The following CEP57 variants were observed in gnomAD, a reference collection of about 807,000 sequenced individuals.
CEP57 encodes the protein centrosomal protein of 57 kDa.
CEP57 carries 40 observed loss-of-function variants against 68.0 expected under a neutral mutation model. The ratio of observed to expected loss-of-function variants is 0.59; its 90% CI spans 0.46 to 0.77. The LOEUF is 0.77. Among genes scored for constraint, CEP57 ranks in the 30% least tolerant of loss-of-function variants. The pLI is 0.00. For synonymous variants in CEP57, 219 were observed against 198.7 expected, an observed-to-expected ratio of 1.10 and a Z score of -0.86; for missense variants, 606 against 580.7, an observed-to-expected ratio of 1.04 and a Z score of -0.45.
At chr11:95,826,951 A>G (rs1249213051) in intron 8 of CEP57, 1 of 152,230 alleles carries the variant, frequency 6.6e-6, no homozygotes, top group Non-Finnish European at 1.5e-5. Context: ...TTAGCTTAGC[A>G]TGGTGGTTCC....
intron 5 of CEP57, among the ~76,000 whole-genome samples, chr11:95,818,487 A>G (rs1259037093): frequency 6.6e-6 from 1 of 152,126 alleles, no homozygotes; most frequent in Admixed American, 6.6e-5. Flanking sequence ...TCTCTGAGCT[A>G]ATTTTAGTTT....
intron 8 of CEP57, 90 bp from the exon 9 acceptor site, chr11:95,827,696 G>T: frequency 6.9e-7 from 1 of 1,459,048 alleles, no homozygotes; most frequent in Non-Finnish European, 9.5e-7. Context: ...TTTAGGGGGT[G>T]GAGAGTTCTT....
chr11:95,803,087 A>G (rs1861649568), intron 2 of CEP57, among the ~76,000 whole-genome samples: 1 of 152,200 alleles, frequency 6.6e-6, no homozygotes, highest in Non-Finnish European at 1.5e-5. Context: ...CTGAAGCAAC[A>G]AGACAGAACA....
At chr11:95,815,434 T>C (rs1005334669) in intron 4 of CEP57, among the ~76,000 whole-genome samples, 12 of 152,242 alleles carry the variant, frequency 7.9e-5, no homozygotes, top group Admixed American at 5.9e-4. Flanking sequence ...TCTCAATTTT[T>C]TTTAATTATT....
intron 6 of CEP57, among the ~76,000 whole-genome samples, chr11:95,821,502 G>A (rs1161237738): frequency 1.3e-5 from 2 of 152,018 alleles, no homozygotes; most frequent in Admixed American, 6.6e-5. Flanking sequence ...CGGCTGTTTT[G>A]TGTCTGGTAA....
chr11:95,827,811 T>TAGCCAATGTTC lies in CEP57; in HGVS notation c.915_925dup (p.Leu309ProfsTer9), dbSNP rs1166323407. 2.3e-5 allele frequency: 37 copies of TAGCCAATGTTC among 1,614,032 alleles called. No individual in the cohort carries two copies. The Admixed American group carries it at 3.2e-4, about 14-fold the overall frequency. On this transcript the variant is annotated frameshift_variant, in exon 9 of 11. Transcript: ENST00000325542. LOFTEE classifies it high-confidence loss of function. Reference sequence around the variant, plus strand: ...TCCACAAGCCCTAGCCATGCCGTGGTAGCCAATGTTCAGCTTGTCTTGCAT... The same window carrying TAGCCAATGTTC: ...TCCACAAGCCCTAGCCATGCCGTGGTAGCCAATGTTCAGCCAATGTTCAGCTTGTCTTGCAT...
intron 8 of CEP57, chr11:95,822,813 CAG>C: frequency 2.0e-6 from 1 of 511,326 alleles, no homozygotes; most frequent in South Asian, 2.2e-5. Context: ...AGTGATAAAA[CAG>C]AGACCCTAAG....
intron 2 of CEP57, among the ~76,000 whole-genome samples, chr11:95,812,435 A>AT (rs1862107818): frequency 6.6e-6 from 1 of 151,686 alleles, no homozygotes; most frequent in African/African-American, 2.4e-5. Flanking sequence ...ATTTATTATT[A>AT]TTTTTTGTGA....
intron 1 of CEP57, chr11:95,794,278 A>G: frequency 2.2e-6 from 1 of 455,678 alleles, no homozygotes; most frequent in African/African-American, 2.0e-5. Flanking sequence ...ATGTACTGTG[A>G]CTCAACCCGT....
At chr11:95,803,623 C>T (rs1484823179) in intron 2 of CEP57, among the ~76,000 whole-genome samples, 2 of 135,714 alleles carry the variant, frequency 1.5e-5, no homozygotes. Flanking sequence ...CAGAAATGTC[C>T]CAAGCAATAA....
intron 2 of CEP57, among the ~76,000 whole-genome samples, chr11:95,800,171 G>A (rs1179930848): frequency 6.6e-6 from 1 of 152,092 alleles, no homozygotes; most frequent in Non-Finnish European, 1.5e-5. Flanking sequence ...CTTTGCTTGG[G>A]GCTCTGTTCT....
chr11:95,804,191 A>T (rs989549135), intron 2 of CEP57, among the ~76,000 whole-genome samples: 6 of 152,272 alleles, frequency 3.9e-5, no homozygotes. Context: ...AAAGGTGTTT[A>T]CTGCCATACA....
At chr11:95,800,267 T>A (rs960401323) in intron 2 of CEP57, among the ~76,000 whole-genome samples, 3 of 152,244 alleles carry the variant, frequency 2.0e-5, no homozygotes, top group Non-Finnish European at 4.4e-5. Flanking sequence ...AGTACTGAGA[T>A]TCTGTTGCTT....
chr11:95,829,387 T>A, intron 10 of CEP57, 56 bp downstream of exon 10: 3 of 1,489,372 alleles, frequency 2.0e-6, no homozygotes, highest in Non-Finnish European at 2.8e-6. Flanking sequence ...AAAAACACTT[T>A]AATTCAAATA....
At chr11:95,823,595 T>C (rs1317140110) in intron 8 of CEP57, among the ~76,000 whole-genome samples, 2 of 143,210 alleles carry the variant, frequency 1.4e-5, no homozygotes, top group African/African-American at 3.0e-5. Context: ...GCACACAGAC[T>C]ACGTGACGCC....
chr11:95,816,548 T>C (rs986546357), intron 4 of CEP57, among the ~76,000 whole-genome samples: 1 of 152,244 alleles, frequency 6.6e-6, no homozygotes, highest in African/African-American at 2.4e-5. Flanking sequence ...CTATTAGGCA[T>C]ATGTAATAGA....
chr11:95,809,397 A>T (rs892619669), intron 2 of CEP57, among the ~76,000 whole-genome samples: 10 of 152,210 alleles, frequency 6.6e-5, no homozygotes, highest in African/African-American at 2.4e-4. Context: ...CCCTTCAAAA[A>T]ATCAGTGAAT....
rs1468744386 is a variant in CEP57, at chr11:95,831,084, T to C, written c.1331T>C (p.Leu444Pro). ...GAATTAAAAGCTACCAAAAAGACTC[T>C]TGATGAAGAAAGAAACAGCAGCAGC... is the stretch of plus-strand genomic sequence containing the variant. ...KKELKATKKTLDEERNSSSRS... is the reference protein window; with the variant it reads ...KKELKATKKTPDEERNSSSRS... Residue 444 changes from leucine to proline, a missense_variant, in exon 11 of 11, where the codon CTT becomes CCT. Leu to Pro is a moderately conservative substitution (Grantham distance 98). Transcript: ENST00000325542. 3 of 1,613,412 alleles carry C rather than the reference T, an allele frequency of 1.9e-6. No homozygotes were observed. Among genetic ancestry groups the C allele is most frequent in the Admixed American group, 1.7e-5 (1 of 59,978 alleles).
At chr11:95,826,604 A>T (rs956422604) in intron 8 of CEP57, 2 of 152,184 alleles carry the variant, frequency 1.3e-5, no homozygotes, top group Non-Finnish European at 2.9e-5. Context: ...TTGAAGGAAA[A>T]AAAAATTTCA....
Sources: gnomAD v4.1 joint callset for allele counts (sites outside exome capture counted in the v4.1 genomes callset) on GRCh38, gnomAD v4.1.1 for gene constraint, MANE v1.5 for transcripts, NCBI Gene and HGNC (gene_info 2026-07-23, HGNC 2026-07-21) for gene names.